Variants in GPBP1 observed in about 807,000 individuals in gnomAD.
The protein encoded by GPBP1 is vasculin.
Under a neutral mutation model 56.5 loss-of-function variants are expected in GPBP1, and 13 were observed. The observed-to-expected ratio is 0.23, with a 90% CI of 0.15 to 0.37. GPBP1 has a LOEUF of 0.37. Ranked by LOEUF, GPBP1 falls within the 10% of genes least tolerant of loss-of-function variation. The probability of loss-of-function intolerance (pLI) is 1.00; values close to 1 mark genes in which losing one functional copy is unlikely to be tolerated. For missense variants in GPBP1, 477 were observed against 572.3 expected (o/e 0.83, Z 1.70); for synonymous variants, 204 against 188.9 (o/e 1.08, Z -0.66).
At chr5:57,262,535 T>G in intron 11 of GPBP1, 59 bp from the exon 12 acceptor site, 2 of 1,250,070 alleles carry the variant, frequency 1.6e-6, no homozygotes, top group Non-Finnish European at 2.3e-6. Context: ...GCTTATATTA[T>G]TACAGTAGGT....
At chr5:57,188,901 C>T (rs57894562) in intron 2 of GPBP1, among the ~76,000 whole-genome samples, 4,868 of 152,254 alleles carry the variant, frequency 0.032, 492 homozygotes, top group East Asian at 0.3. Context: ...AATCCATTAG[C>T]AAATTATGTG....
At chr5:57,255,587 A>C (rs1253040981) in intron 10 of GPBP1, among the ~76,000 whole-genome samples, 2 of 152,264 alleles carry the variant, frequency 1.3e-5, no homozygotes, top group Admixed American at 1.3e-4. Context: ...GAGATAGAGC[A>C]TAGGCAGTAA....
At chr5:57,210,222 C>T (rs751792456) in intron 2 of GPBP1, among the ~76,000 whole-genome samples, 39 of 152,088 alleles carry the variant, frequency 2.6e-4, no homozygotes, top group Admixed American at 1.3e-4. Flanking sequence ...GGCATGTGCA[C>T]TTAAAGATGT....
Position 57,174,091 on chromosome 5 carries a change from G to C in GPBP1, c.-1131G>C, listed in dbSNP as rs1753685784. Reference sequence around the variant, plus strand: ...ATCGGGTCGGCGCCATTTTGGGACTGAGACTGGTTGTGGGGGAGGGAAAAG... The same window carrying C: ...ATCGGGTCGGCGCCATTTTGGGACTCAGACTGGTTGTGGGGGAGGGAAAAG... On this transcript the variant is annotated 5_prime_UTR_variant, in exon 1 of 12. Coordinates refer to ENST00000506184, the MANE Select transcript of GPBP1 (RefSeq NM_022913.4). 6.5e-6 allele frequency: 1 copy of C among 153,102 alleles called. No homozygotes were observed. The highest frequency in any genetic ancestry group is 1.9e-4 in the East Asian group (1 of 5,190). 9.5% of individuals were successfully genotyped at this position (153,102 alleles called of 1,614,324 possible).
At chr5:57,225,590 A>T (rs570740651) in intron 3 of GPBP1, among the ~76,000 whole-genome samples, 17 of 152,170 alleles carry the variant, frequency 1.1e-4, no homozygotes, top group Admixed American at 5.2e-4. Flanking sequence ...AAGAATTAAG[A>T]TTGCTAGACA....
At chr5:57,175,237 C>T (rs1753748161) in intron 1 of GPBP1, among the ~76,000 whole-genome samples, 1 of 152,308 alleles carries the variant, frequency 6.6e-6, no homozygotes, top group Admixed American at 6.5e-5. Flanking sequence ...AATACCGTCA[C>T]CTACCGTTTT....
chr5:57,210,228 G>GATGT (rs1391964513), intron 2 of GPBP1, among the ~76,000 whole-genome samples: 2 of 152,156 alleles, frequency 1.3e-5, no homozygotes, highest in Non-Finnish European at 2.9e-5. Flanking sequence ...TGCACTTAAA[G>GATGT]ATGTACACTT....
chr5:57,239,761 CAAAG>C (rs1580061011), intron 6 of GPBP1, among the ~76,000 whole-genome samples: 1 of 152,104 alleles, frequency 6.6e-6, no homozygotes, highest in African/African-American at 2.4e-5. Context: ...GCCTGGGCGA[CAAAG>C]AGACACTCCA....
At chr5:57,252,209 G>A (rs1580079607) in intron 10 of GPBP1, among the ~76,000 whole-genome samples, 3 of 140,048 alleles carry the variant, frequency 2.1e-5, no homozygotes, top group East Asian at 2.1e-4. Context: ...TGATCCTCCT[G>A]AGTAGCTGGG....
intron 3 of GPBP1, among the ~76,000 whole-genome samples, chr5:57,220,550 C>A (rs1380060469): frequency 2.0e-5 from 3 of 151,734 alleles, no homozygotes; most frequent in African/African-American, 7.3e-5. Context: ...ACCTCTGCCC[C>A]CCAGGTTCAA....
chr5:57,253,657 G>A (rs1741492513), intron 10 of GPBP1, among the ~76,000 whole-genome samples: 2 of 152,120 alleles, frequency 1.3e-5, no homozygotes, highest in Admixed American at 1.3e-4. Flanking sequence ...TTTTCTACCT[G>A]TTATGTAAAT....
intron 2 of GPBP1, among the ~76,000 whole-genome samples, chr5:57,177,423 G>T (rs552281205): frequency 2.0e-5 from 3 of 151,962 alleles, no homozygotes; most frequent in African/African-American, 7.2e-5. Context: ...TAGTGAACAC[G>T]AGTATAACTA....
At chr5:57,200,498 G>T (rs1754967432) in intron 2 of GPBP1, among the ~76,000 whole-genome samples, 1 of 150,520 alleles carries the variant, frequency 6.6e-6, no homozygotes, top group East Asian at 2.0e-4. Flanking sequence ...CTCCCTAGTA[G>T]CTGGGATTAC....
intron 2 of GPBP1, among the ~76,000 whole-genome samples, chr5:57,211,576 T>TTGTTG (rs67872011): frequency 0.33 from 49,818 of 150,884 alleles, 8,985 homozygotes; most frequent in Non-Finnish European, 0.41. Context: ...CTCCGGGGAT[T>TTGTTG]TTGTTGTTGT....
intron 2 of GPBP1, among the ~76,000 whole-genome samples, chr5:57,176,686 C>T (rs899511360): frequency 2.2e-4 from 34 of 152,244 alleles, no homozygotes; most frequent in African/African-American, 7.9e-4. Context: ...TATATATTGC[C>T]TTAGGCTTTG....
intron 3 of GPBP1, among the ~76,000 whole-genome samples, chr5:57,226,771 G>A (rs1319093118): frequency 9.0e-6 from 1 of 110,500 alleles, no homozygotes; most frequent in Middle Eastern, 7.6e-3. Flanking sequence ...ACAGAATTTC[G>A]CTCTATTGCC....
At chr5:57,189,779 T>C (rs752904851) in intron 2 of GPBP1, among the ~76,000 whole-genome samples, 9 of 152,236 alleles carry the variant, frequency 5.9e-5, no homozygotes, top group Admixed American at 6.5e-5. Context: ...TCCCTCTCCT[T>C]GTCTGGAACC....
chr5:57,240,713 A>T (rs944961986), intron 6 of GPBP1, among the ~76,000 whole-genome samples: 10 of 152,108 alleles, frequency 6.6e-5, no homozygotes, highest in African/African-American at 2.4e-4. Flanking sequence ...TGGCTCTCAC[A>T]CCTGTAATCC....
At chr5:57,245,172 T>A (rs981590914) in intron 6 of GPBP1, among the ~76,000 whole-genome samples, 4 of 152,256 alleles carry the variant, frequency 2.6e-5, no homozygotes, top group Non-Finnish European at 4.4e-5. Context: ...GGGCTTTTTT[T>A]AGACCGTCAG....
Sources: allele counts gnomAD v4.1 joint callset (sites outside exome capture counted in the v4.1 genomes callset), GRCh38; gene constraint gnomAD v4.1.1; transcripts MANE v1.5; gene names NCBI Gene and HGNC (gene_info 2026-07-23, HGNC 2026-07-21).